Variants in FSTL5 observed in about 807,000 individuals in gnomAD.
FSTL5 encodes follistatin-related protein 5.
A neutral mutation model predicts 89.1 loss-of-function variants in FSTL5; 62 were observed. The ratio of observed to expected loss-of-function variants is 0.70; its 90% CI spans 0.57 to 0.86. The LOEUF (loss-of-function observed/expected upper bound fraction) is 0.86. Ranked by LOEUF, FSTL5 falls within the 40% of genes least tolerant of loss-of-function variation. The pLI is 0.00. For synonymous variants in FSTL5, 383 were observed against 346.2 expected (o/e 1.11, Z -1.18); for missense variants, 1,057 against 1,001.6 (o/e 1.06, Z -0.75).
intron 3 of FSTL5, among the ~76,000 whole-genome samples, chr4:161,948,148 T>A (rs1332049020): frequency 1.3e-5 from 2 of 151,628 alleles, no homozygotes; most frequent in Non-Finnish European, 2.9e-5. Flanking sequence ...CTGGGTGTAG[T>A]TGTGTGCACT....
At chr4:161,620,583 AG>A (rs1328701080) in intron 7 of FSTL5, among the ~76,000 whole-genome samples, 1 of 152,082 alleles carries the variant, frequency 6.6e-6, no homozygotes, top group Non-Finnish European at 1.5e-5. Flanking sequence ...TTGAACGCGA[AG>A]GGTGGAGGTT....
chr4:161,926,315 T>G (rs150026550), intron 3 of FSTL5, among the ~76,000 whole-genome samples: 1 of 152,000 alleles, frequency 6.6e-6, no homozygotes, highest in East Asian at 1.9e-4. Context: ...TCAGTGAGTT[T>G]GAACCCTTCT....
intron 4 of FSTL5, among the ~76,000 whole-genome samples, chr4:161,861,410 C>T (rs970645640): frequency 3.3e-5 from 5 of 149,938 alleles, no homozygotes; most frequent in South Asian, 2.1e-4. Flanking sequence ...AGTGAGACTC[C>T]GTCTTCAAAG....
chr4:161,905,160 T>C (rs1432059696), intron 4 of FSTL5, among the ~76,000 whole-genome samples: 1 of 152,036 alleles, frequency 6.6e-6, no homozygotes, highest in Non-Finnish European at 1.5e-5. Flanking sequence ...TTAGGAAAAA[T>C]TCTCATTTTG....
At chr4:161,754,193 C>A (rs1375092116) in intron 6 of FSTL5, among the ~76,000 whole-genome samples, 1 of 151,488 alleles carries the variant, frequency 6.6e-6, no homozygotes, top group Non-Finnish European at 1.5e-5. Flanking sequence ...AGAGCTATTA[C>A]ACAATTAGTG....
At chr4:161,787,927 G>A (rs1289512301) in intron 4 of FSTL5, among the ~76,000 whole-genome samples, 1 of 152,066 alleles carries the variant, frequency 6.6e-6, no homozygotes, top group African/African-American at 2.4e-5. Context: ...TGTTGCAACT[G>A]AAAAGCATAC....
rs116593697 is a variant in FSTL5, at chr4:161,446,559, C to A, written c.1841+8445G>T. Among the ~76,000 whole-genome samples the A allele has an allele frequency of 2.8e-3, 422 of 152,040 alleles. 2 individuals are homozygous for A. Among genetic ancestry groups the A allele is most frequent in the African/African-American group, 9.2e-3 (381 of 41,524 alleles). On this transcript the variant is annotated intron_variant, in intron 15 of 15. Transcript: ENST00000306100. ...CTTTGACAGAAAAATAATATATCCA[C>A]TTAATGATACAAAGAATTAAAAACC...
In FSTL5 at chr4:162,086,285, TTC is replaced by T. The variant is rs534951297; in HGVS notation, c.126+24984_126+24985del. On this transcript the variant is annotated intron_variant, in intron 2 of 15. Transcript: ENST00000306100. ...ACATATTATTGCCATTGCATTTATA[TTC>T]TCTCTCATGCTCATTCCCCCCTCCT... Among the ~76,000 whole-genome samples, 170 of 152,024 alleles carry T rather than the reference TTC, an allele frequency of 1.1e-3. 1 individual carries two copies. Among genetic ancestry groups the T allele is most frequent in the Middle Eastern group, 3.4e-3 (1 of 294 alleles).
intron 4 of FSTL5, among the ~76,000 whole-genome samples, chr4:161,898,365 GT>G (rs1266537836): frequency 6.6e-6 from 1 of 151,384 alleles, no homozygotes; most frequent in East Asian, 1.9e-4. Context: ...TTGAGTGCAG[GT>G]TTTTTTCTTT....
At chr4:161,497,785 G>T (rs549471245) in intron 12 of FSTL5, among the ~76,000 whole-genome samples, 1 of 152,010 alleles carries the variant, frequency 6.6e-6, no homozygotes, top group South Asian at 2.1e-4. Context: ...TTAGTTATTA[G>T]TAACTAGTTA....
rs560510398 is a variant in FSTL5 at position 161,825,918 on chromosome 4, G to A, written c.410-49844C>T. Among the ~76,000 whole-genome samples the A allele has an allele frequency of 3.3e-5, 5 of 151,364 alleles. No homozygotes were observed. The East Asian group carries it at 7.7e-4, about 23-fold the overall frequency. The stretch of plus-strand genomic sequence containing the variant: ...TCTTCATTATTTCTTTTTTTCTGTT[G>A]GGTTTGTCTTTGGTTTGTTTTTATT... On this transcript the variant is annotated intron_variant, in intron 4 of 15. Transcript: ENST00000306100.
chr4:161,673,214 A>G (rs1032031052), intron 6 of FSTL5, among the ~76,000 whole-genome samples: 2 of 152,052 alleles, frequency 1.3e-5, no homozygotes, highest in African/African-American at 4.8e-5. Flanking sequence ...TTCCGCCTGT[A>G]CCTATTTCAG....
intron 6 of FSTL5, among the ~76,000 whole-genome samples, chr4:161,687,165 T>C (rs960509185): frequency 5.9e-5 from 9 of 152,196 alleles, no homozygotes; most frequent in African/African-American, 1.9e-4. Context: ...GGTTAAATAT[T>C]ACATTCATGA....
intron 15 of FSTL5, among the ~76,000 whole-genome samples, chr4:161,438,554 T>C (rs1732651971): frequency 6.6e-6 from 1 of 152,212 alleles, no homozygotes; most frequent in African/African-American, 2.4e-5. Context: ...TACAGAATGA[T>C]GTTTTTACAA....
intron 4 of FSTL5, among the ~76,000 whole-genome samples, chr4:161,783,990 C>T (rs906737245): frequency 2.7e-5 from 4 of 150,570 alleles, no homozygotes; most frequent in African/African-American, 4.9e-5. Context: ...GGTTACAGTG[C>T]GGTGGCGTGA....
intron 3 of FSTL5, among the ~76,000 whole-genome samples, chr4:161,927,506 T>C (rs973193293): frequency 6.6e-6 from 1 of 151,690 alleles, no homozygotes; most frequent in East Asian, 1.9e-4. Context: ...ATGGTTAATA[T>C]ATTTTTTAAT....
chr4:161,621,863 T>C (rs1284214546), intron 7 of FSTL5, among the ~76,000 whole-genome samples: 1 of 147,770 alleles, frequency 6.8e-6, no homozygotes, highest in Admixed American at 6.8e-5. Context: ...CTGGCTGTGG[T>C]GGTGCATGTC....
intron 3 of FSTL5, among the ~76,000 whole-genome samples, chr4:161,937,083 C>T (rs1734454003): frequency 6.6e-6 from 1 of 151,902 alleles, no homozygotes; most frequent in African/African-American, 2.4e-5. Context: ...AAAGATAAGA[C>T]CAAAATAAAC....
chr4:161,458,436 A>G (rs971734755), intron 14 of FSTL5, among the ~76,000 whole-genome samples: 26 of 152,314 alleles, frequency 1.7e-4, no homozygotes, highest in Admixed American at 1.7e-3. Context: ...CAATACTGAA[A>G]ATAACTCAGA....
Sources: gnomAD v4.1 joint callset for allele counts (sites outside exome capture counted in the v4.1 genomes callset) on GRCh38, gnomAD v4.1.1 for gene constraint, MANE v1.5 for transcripts, NCBI Gene and HGNC (gene_info 2026-07-23, HGNC 2026-07-21) for gene names.